ODAD2: variants seen among roughly 807,000 people sequenced by gnomAD.
ODAD2 encodes the protein outer dynein arm-docking complex subunit 2.
In ODAD2, 89 loss-of-function variants were observed where a neutral mutation model predicts 106.8. That is an observed-to-expected ratio of 0.83 (90% CI 0.70 to 0.99). The LOEUF (loss-of-function observed/expected upper bound fraction) is 0.99. ODAD2 is among the 50% of genes least tolerant of loss of function. The pLI is 0.00. For missense variants in ODAD2, 1,168 were observed against 1,238.5 expected (o/e 0.94, Z 0.85); for synonymous variants, 404 against 436.2 (o/e 0.93, Z 0.92).
intron 13 of ODAD2, among the ~76,000 whole-genome samples, chr10:27,940,346 G>A (rs1846315776): frequency 6.6e-6 from 1 of 151,780 alleles, no homozygotes; most frequent in Non-Finnish European, 1.5e-5. Flanking sequence ...ATAAATGTCA[G>A]TATATATGTG....
At position 27,850,495 on chromosome 10, in the gene ODAD2, T is replaced by A. The variant is rs117946130; in HGVS notation, c.3021+10130A>T. 1.9e-4 allele frequency among the ~76,000 whole-genome samples: 29 copies of A among 150,968 alleles called. No individual in the cohort carries two copies. The East Asian group carries it at 5.1e-3, about 26-fold the overall frequency. On this transcript the variant is annotated intron_variant, in intron 19 of 19. Coordinates refer to ENST00000305242, the MANE Select transcript of ODAD2 (RefSeq NM_018076.5). ...TCACTTGAACGTGGGAGGCGGAGGT[T>A]GTAGTGAGCTGATATCGTACTACTA...
intron 16 of ODAD2, among the ~76,000 whole-genome samples, chr10:27,918,880 C>A (rs1384554978): frequency 6.8e-6 from 1 of 147,562 alleles, no homozygotes; most frequent in Non-Finnish European, 1.5e-5. Flanking sequence ...AAGGTATATT[C>A]AAAAATTAAT....
At chr10:27,970,367 G>A (rs1185442011) in intron 8 of ODAD2, among the ~76,000 whole-genome samples, 8 of 151,942 alleles carry the variant, frequency 5.3e-5, no homozygotes, top group Middle Eastern at 3.2e-3. Flanking sequence ...TGACAGTTTC[G>A]CTGATTAGCT....
At chr10:27,850,386 A>C (rs901161911) in intron 19 of ODAD2, among the ~76,000 whole-genome samples, 3 of 147,188 alleles carry the variant, frequency 2.0e-5, no homozygotes, top group East Asian at 2.0e-4. Flanking sequence ...CAGAGCTTGC[A>C]GTGAGCTGAG....
rs770607602 is a variant in ODAD2 at position 27,944,398 on chromosome 10, G to A, written c.1567C>T (p.His523Tyr). ...GSLKILKEIS[H>Y]NPQIRQNIVD... ...ATATTCTGTCTGATTTGAGGATTAT[G>A]ACTGATTTCCTTCAGTATTTTTAAT... Residue 523 changes from histidine to tyrosine, a missense_variant, in exon 12 of 20, where the codon CAT becomes TAT. Around this residue, in one of 3 missense-constraint regions of ODAD2, gnomAD observed 701 missense variants for 712.3 expected, o/e 0.98. Coordinates refer to ENST00000305242, the MANE Select transcript of ODAD2 (RefSeq NM_018076.5). 2.5e-6 allele frequency: 4 copies of A among 1,613,854 alleles called. No individual in the cohort carries two copies. In the South Asian group the frequency reaches 4.4e-5, roughly 18 times the overall value.
Position 27,867,995 on chromosome 10 carries a change from C to T in ODAD2, c.2611-5373G>A, listed in dbSNP as rs192484770. 1.3e-4 allele frequency among the ~76,000 whole-genome samples: 20 copies of T among 151,276 alleles called. No homozygotes were observed. The South Asian group carries it at 3.1e-3, about 24-fold the overall frequency. The stretch of plus-strand genomic sequence containing the variant: ...TATAAAAAAGACTCCAGTCAATTTC[C>T]ATATACAGTTATTATAAGAAATAAA... On this transcript the variant is annotated intron_variant, in intron 17 of 19. Coordinates refer to ENST00000305242, the MANE Select transcript of ODAD2 (RefSeq NM_018076.5).
intron 17 of ODAD2, among the ~76,000 whole-genome samples, chr10:27,884,811 A>G (rs555868314): frequency 1.3e-5 from 2 of 152,182 alleles, no homozygotes; most frequent in Non-Finnish European, 2.9e-5. Flanking sequence ...ACAGCCATGT[A>G]TATGGGGGAA....
At chr10:27,995,212 A>G in intron 1 of ODAD2, 32 bp from the exon 2 acceptor site, 1 of 1,565,898 alleles carries the variant, frequency 6.4e-7, no homozygotes, top group Non-Finnish European at 8.7e-7. Flanking sequence ...AAGAGACAAC[A>G]GCGTCCACCT....
In ODAD2 at chr10:27,940,737, G is replaced by A. The variant is rs746829907; in HGVS notation, c.1812C>T (p.Asp604=). 1.6e-5 allele frequency: 26 copies of A among 1,613,968 alleles called. No individual in the cohort carries two copies. The highest frequency in any genetic ancestry group is 9.9e-5 in the South Asian group (9 of 91,080). ...GTGCCCCACAGCGAGCCACTTCCAC[G>A]TCTCTGGCCTCATACAGACTCGATT... ...PAQSSLYEAR[D]VEVARCGALA... The change falls in exon 13 of 20, where the codon GAC becomes GAT. Residue 604 remains aspartate (D), a synonymous_variant. Coordinates refer to ENST00000305242, the MANE Select transcript of ODAD2 (RefSeq NM_018076.5).
intron 13 of ODAD2, 75 bp from the exon 14 acceptor site, chr10:27,940,082 T>C (rs549995505): frequency 3.0e-5 from 30 of 1,015,876 alleles, no homozygotes; most frequent in Non-Finnish European, 4.1e-5. Flanking sequence ...TTAATAAACA[T>C]GCTGAACAAA....
At chr10:27,944,727 C>A in intron 11 of ODAD2, 89 bp downstream of exon 11, 1 of 1,500,584 alleles carries the variant, frequency 6.7e-7, no homozygotes, top group Non-Finnish European at 9.1e-7. Context: ...AAGAACCAGG[C>A]AACGAGGCAT....
At chr10:27,990,471 C>T (rs1181235766) in intron 2 of ODAD2, among the ~76,000 whole-genome samples, 2 of 152,218 alleles carry the variant, frequency 1.3e-5, no homozygotes, top group Non-Finnish European at 2.9e-5. Flanking sequence ...CCACTGCACC[C>T]GGCCCCATTT....
chr10:27,856,765 G>A (rs1030209211), intron 19 of ODAD2, among the ~76,000 whole-genome samples: 2 of 152,042 alleles, frequency 1.3e-5, no homozygotes, highest in Non-Finnish European at 2.9e-5. Context: ...TCAGGAGTTC[G>A]AGACTAGCCT....
chr10:27,917,508 A>T (rs1253225676), intron 16 of ODAD2, among the ~76,000 whole-genome samples: 3 of 152,048 alleles, frequency 2.0e-5, no homozygotes, highest in Admixed American at 1.3e-4. Flanking sequence ...ACAATAAATA[A>T]AGTAATTAAA....
chr10:27,986,132 A>G (rs576893833), intron 3 of ODAD2, among the ~76,000 whole-genome samples: 1 of 152,178 alleles, frequency 6.6e-6, no homozygotes, highest in Non-Finnish European at 1.5e-5. Context: ...GGCTGAGAAA[A>G]GGACTTCACT....
At chr10:27,967,396 C>A (rs1354130674) in intron 9 of ODAD2, among the ~76,000 whole-genome samples, 1 of 152,208 alleles carries the variant, frequency 6.6e-6, no homozygotes, top group Non-Finnish European at 1.5e-5. Flanking sequence ...TCCCCCGTCA[C>A]ACTGTCCGGC....
intron 17 of ODAD2, among the ~76,000 whole-genome samples, chr10:27,886,658 C>G (rs1385542883): frequency 6.6e-6 from 1 of 151,824 alleles, no homozygotes; most frequent in Non-Finnish European, 1.5e-5. Context: ...TTATTTTCTA[C>G]AGGATTTAAA....
At chr10:27,871,105 CTGA>C (rs981621159) in intron 17 of ODAD2, among the ~76,000 whole-genome samples, 2 of 152,166 alleles carry the variant, frequency 1.3e-5, no homozygotes, top group African/African-American at 4.8e-5. Context: ...CTGATGGCCA[CTGA>C]TGATGAGCAT....
chr10:27,885,694 T>TAA (rs1564466142), intron 17 of ODAD2, among the ~76,000 whole-genome samples: 4 of 52,080 alleles, frequency 7.7e-5, no homozygotes, highest in Non-Finnish European at 1.4e-4. Context: ...ATATAATATA[T>TAA]AATATATATA....
Sources: gnomAD v4.1 joint callset for allele counts (sites outside exome capture counted in the v4.1 genomes callset) on GRCh38, gnomAD v4.1.1 for gene constraint, gnomAD v4.1.1 regional missense constraint, MANE v1.5 for transcripts, NCBI Gene and HGNC (gene_info 2026-07-23, HGNC 2026-07-21) for gene names.